Variants in DSCAM observed in about 807,000 individuals in gnomAD.
DSCAM encodes the protein cell adhesion molecule DSCAM.
In DSCAM, 47 loss-of-function variants were observed where a neutral mutation model predicts 217.7. That is an observed-to-expected ratio of 0.22 (90% CI 0.17 to 0.28). The LOEUF (loss-of-function observed/expected upper bound fraction) is 0.28. DSCAM is among the 10% of genes least tolerant of loss of function. The pLI, the probability that DSCAM is intolerant of heterozygous loss-of-function variation, is 1.00. For synonymous variants in DSCAM, 1,056 were observed against 1,015.3 expected (o/e 1.04, Z -0.76); for missense variants, 2,080 against 2,618.3 (o/e 0.79, Z 4.49).
intron 3 of DSCAM, among the ~76,000 whole-genome samples, chr21:40,609,119 T>C (rs2089280491): frequency 6.6e-6 from 1 of 152,104 alleles, no homozygotes; most frequent in African/African-American, 2.4e-5. Flanking sequence ...CATGACCAGC[T>C]ATTTTTTGTA....
At chr21:40,619,568 G>A (rs1281865677) in intron 3 of DSCAM, among the ~76,000 whole-genome samples, 1 of 152,030 alleles carries the variant, frequency 6.6e-6, no homozygotes, top group East Asian at 1.9e-4. Context: ...AAGGAAATGG[G>A]TCCCTTTACA....
At chr21:40,254,263 G>A (rs1317807766) in intron 11 of DSCAM, among the ~76,000 whole-genome samples, 1 of 152,150 alleles carries the variant, frequency 6.6e-6, no homozygotes, top group African/African-American at 2.4e-5. Context: ...ATAGAGGCAA[G>A]TTACCCTGAA....
intron 1 of DSCAM, among the ~76,000 whole-genome samples, chr21:40,739,964 T>A (rs1472071436): frequency 4.0e-5 from 5 of 125,244 alleles, no homozygotes; most frequent in African/African-American, 1.5e-4. Context: ...ATTTTTTTTT[T>A]TTTTTTTTTT....
intron 3 of DSCAM, among the ~76,000 whole-genome samples, chr21:40,397,203 A>G (rs1363631012): frequency 6.6e-6 from 1 of 152,108 alleles, no homozygotes; most frequent in Non-Finnish European, 1.5e-5. Flanking sequence ...TATAGTTTGA[A>G]TCTGTGTCCC....
chr21:40,796,823 G>A (rs1350598286), intron 1 of DSCAM, among the ~76,000 whole-genome samples: 1 of 152,068 alleles, frequency 6.6e-6, no homozygotes, highest in Admixed American at 6.6e-5. Context: ...GAATAATCAA[G>A]ATCAAAGAGC....
chr21:40,479,913 T>C (rs747571869), intron 3 of DSCAM, among the ~76,000 whole-genome samples: 1 of 152,240 alleles, frequency 6.6e-6, no homozygotes, highest in Non-Finnish European at 1.5e-5. Context: ...CGTATGCATG[T>C]ACGCACACAC....
intron 3 of DSCAM, among the ~76,000 whole-genome samples, chr21:40,536,945 T>C (rs2076504453): frequency 6.6e-6 from 1 of 152,156 alleles, no homozygotes. Context: ...CAGGACTGCC[T>C]CACTTAGGAA....
At chr21:40,686,239 C>T (rs1034117994) in intron 3 of DSCAM, among the ~76,000 whole-genome samples, 3 of 149,904 alleles carry the variant, frequency 2.0e-5, no homozygotes, top group South Asian at 2.1e-4. Context: ...AGAGCTCACA[C>T]ACCACACACA....
At chr21:40,638,199 T>C (rs2146336085) in intron 3 of DSCAM, among the ~76,000 whole-genome samples, 1 of 152,292 alleles carries the variant, frequency 6.6e-6, no homozygotes, top group South Asian at 2.1e-4. Flanking sequence ...CAAGGGAGAT[T>C]CTTTTTTCTG....
intron 1 of DSCAM, among the ~76,000 whole-genome samples, chr21:40,737,048 G>T (rs1467807306): frequency 2.0e-5 from 3 of 152,192 alleles, no homozygotes; most frequent in Non-Finnish European, 2.9e-5. Flanking sequence ...CAGAAAGCAA[G>T]TTGATGCTAC....
At chr21:40,299,035 G>C (rs975362103) in intron 9 of DSCAM, among the ~76,000 whole-genome samples, 3 of 151,970 alleles carry the variant, frequency 2.0e-5, no homozygotes, top group African/African-American at 7.3e-5. Flanking sequence ...GTAGCCAGGG[G>C]ATTTCCCACG....
intron 3 of DSCAM, among the ~76,000 whole-genome samples, chr21:40,628,982 A>G (rs922731736): frequency 6.6e-6 from 1 of 152,082 alleles, no homozygotes; most frequent in Non-Finnish European, 1.5e-5. Flanking sequence ...CCTGGCCTCA[A>G]GCAATCTGCC....
chr21:40,764,504 A>C (rs542159994), intron 1 of DSCAM, among the ~76,000 whole-genome samples: 2 of 152,266 alleles, frequency 1.3e-5, no homozygotes, highest in South Asian at 4.1e-4. Context: ...TGTTGGTGGG[A>C]GTGTAAATTA....
At chr21:40,595,723 T>A (rs1302677605) in intron 3 of DSCAM, among the ~76,000 whole-genome samples, 2 of 152,210 alleles carry the variant, frequency 1.3e-5, no homozygotes, top group African/African-American at 2.4e-5. Flanking sequence ...GATCCAAATA[T>A]AGTTTATTAC....
chr21:40,187,915 C>T lies in DSCAM; in HGVS notation c.2626G>A (p.Gly876Arg). ...CCTTGCACTGTGAGCTGAATTATTC[C>T]ACGGTCCTCCCCATAAGAATTAATA... The part of the protein sequence containing the change: ...HAINSYGEDR[G>R]IIQLTVQEPP... The change falls in exon 13 of 33, where the codon GGA (glycine) becomes AGA (arginine). Residue 876 changes from glycine to arginine, a missense_variant. By Grantham distance (125) the Gly-to-Arg change is moderately radical. Transcript: ENST00000400454. 1 of 1,614,062 alleles carries T rather than the reference C, an allele frequency of 6.2e-7. No homozygotes were observed.
chr21:40,407,585 G>T lies in DSCAM; in HGVS notation c.509-38340C>A, dbSNP rs114215658. Among the ~76,000 whole-genome samples the T allele has an allele frequency of 2.4e-3, 360 of 152,276 alleles. 1 individual carries two copies. The highest frequency in any genetic ancestry group is 8.3e-3 in the African/African-American group (344 of 41,552). On this transcript the variant is annotated intron_variant, in intron 3 of 32. Transcript: ENST00000400454. The stretch of plus-strand genomic sequence containing the variant: ...AATCCAAACTTCCTAATATAAAGAG[G>T]GAGGTCACATGGAGGGGAGACCCTG...
chr21:40,412,626 G>A (rs768934273), intron 3 of DSCAM, among the ~76,000 whole-genome samples: 5 of 152,196 alleles, frequency 3.3e-5, no homozygotes, highest in Non-Finnish European at 7.4e-5. Flanking sequence ...AAGCATTCAA[G>A]ATGTGACTAG....
chr21:40,634,750 C>T (rs1023055199), intron 3 of DSCAM, among the ~76,000 whole-genome samples: 14 of 152,180 alleles, frequency 9.2e-5, no homozygotes, highest in Non-Finnish European at 1.9e-4. Flanking sequence ...TCAGCACAGG[C>T]ACGTGGTGAT....
chr21:40,438,147 T>C (rs755030838), intron 3 of DSCAM, among the ~76,000 whole-genome samples: 132 of 152,304 alleles, frequency 8.7e-4, no homozygotes, highest in Non-Finnish European at 1.4e-3. Flanking sequence ...CTGTGTGACC[T>C]TGAGGATGCC....
Sources: gnomAD v4.1 joint callset for allele counts (sites outside exome capture counted in the v4.1 genomes callset) on GRCh38, gnomAD v4.1.1 for gene constraint, MANE v1.5 for transcripts, NCBI Gene and HGNC (gene_info 2026-07-23, HGNC 2026-07-21) for gene names.